AKR1C3: variants seen among roughly 807,000 people sequenced by gnomAD.
AKR1C3 encodes aldo-keto reductase family 1 member C3, also known as 3-alpha hydroxysteroid dehydrogenase, type II.
A neutral mutation model predicts 43.6 loss-of-function variants in AKR1C3; 48 were observed. The observed-to-expected ratio is 1.10, with a 90% CI of 0.87 to 1.40. The LOEUF is 1.40. AKR1C3 is among the 40% of genes most tolerant of loss of function. The pLI, the probability that AKR1C3 is intolerant of heterozygous loss-of-function variation, is 0.00. For synonymous variants in AKR1C3, 162 were observed against 139.6 expected (o/e 1.16, Z -1.13); for missense variants, 482 against 391.2 (o/e 1.23, Z -1.96).
intron 8 of AKR1C3, 109 bp downstream of exon 8, chr10:5,105,786 G>C: frequency 3.7e-6 from 3 of 806,452 alleles, no homozygotes; most frequent in South Asian, 3.2e-5. Context: ...ATGTGAGTCA[G>C]AGGTGAGACT....
chr10:5,084,529 C>G (rs1838918396), intron 1 of AKR1C3, among the ~76,000 whole-genome samples: 2 of 152,082 alleles, frequency 1.3e-5, no homozygotes, highest in African/African-American at 4.8e-5. Context: ...CGGCTTTGTT[C>G]TTTTGGCTTA....
chr10:5,061,906 G>A (rs11252914), intron 1 of AKR1C3, among the ~76,000 whole-genome samples: 11,856 of 152,182 alleles, frequency 0.078, 667 homozygotes, highest in Admixed American at 0.18. Context: ...CTCAAATTAA[G>A]GCCAAAATGG....
At chr10:5,096,951 A>G (rs1480979866) in intron 2 of AKR1C3, among the ~76,000 whole-genome samples, 2 of 152,194 alleles carry the variant, frequency 1.3e-5, no homozygotes, top group African/African-American at 4.8e-5. Context: ...ATAGAAAGCA[A>G]TATAAGAAAG....
chr10:5,059,763 A>G (rs1298307838), intron 1 of AKR1C3, among the ~76,000 whole-genome samples: 7 of 152,152 alleles, frequency 4.6e-5, no homozygotes, highest in African/African-American at 1.7e-4. Context: ...CTCGCTGCTC[A>G]GTGATAGCTG....
At chr10:5,086,503 G>A (rs555412462) in intron 1 of AKR1C3, among the ~76,000 whole-genome samples, 1 of 151,686 alleles carries the variant, frequency 6.6e-6, no homozygotes, top group Admixed American at 6.6e-5. Context: ...TAACTATGTG[G>A]TCAATTTTGG....
At position 5,102,483 on chromosome 10, in the gene AKR1C3, A is replaced by AG; in HGVS notation, c.682dup. 1 of 1,536,594 alleles carries AG rather than the reference A, an allele frequency of 6.5e-7. No homozygotes were observed. The highest frequency in any genetic ancestry group is 8.7e-7 in the Non-Finnish European group (1 of 1,146,310). ...CCTCAGCCTTTCTGCCTTTCCTTCC[A>AG]GGGTGGACCCGAACTCCCCGGTGCT... On this transcript the variant is annotated splice_acceptor_variant, in intron 6 of 8. Coordinates refer to ENST00000380554, the MANE Select transcript of AKR1C3 (RefSeq NM_003739.6). LOFTEE classifies it high-confidence loss of function.
chr10:5,106,037 G>C (rs1839492178), intron 8 of AKR1C3, among the ~76,000 whole-genome samples: 1 of 152,140 alleles, frequency 6.6e-6, no homozygotes, highest in Non-Finnish European at 1.5e-5. Flanking sequence ...ATATCACATT[G>C]TCCCAAACCT....
chr10:5,065,270 A>C (rs1332148121), intron 1 of AKR1C3, among the ~76,000 whole-genome samples: 1 of 152,232 alleles, frequency 6.6e-6, no homozygotes, highest in Non-Finnish European at 1.5e-5. Context: ...AGCTCAAAGA[A>C]TATAAATCAT....
At chr10:5,079,443 A>ACAC (rs1230685583) in intron 1 of AKR1C3, among the ~76,000 whole-genome samples, 1 of 152,218 alleles carries the variant, frequency 6.6e-6, no homozygotes, top group African/African-American at 2.4e-5. Flanking sequence ...CTGAGGAAAT[A>ACAC]CACGTTAGTG....
At chr10:5,064,836 C>T (rs931010519) in intron 1 of AKR1C3, among the ~76,000 whole-genome samples, 2 of 150,798 alleles carry the variant, frequency 1.3e-5, no homozygotes, top group Non-Finnish European at 2.9e-5. Context: ...GATACCATCT[C>T]ATACCAGTCA....
upstream of AKR1C3, among the ~76,000 whole-genome samples, chr10:5,092,710 C>G (rs1839121469): frequency 6.6e-6 from 1 of 151,912 alleles, no homozygotes; most frequent in African/African-American, 2.4e-5. Flanking sequence ...TCCTGTAGTT[C>G]TATTTCCATA....
chr10:5,061,448 T>C (rs1186378179), intron 1 of AKR1C3, among the ~76,000 whole-genome samples: 2 of 152,030 alleles, frequency 1.3e-5, no homozygotes, highest in African/African-American at 4.8e-5. Flanking sequence ...GAGGCATCCC[T>C]ATGGGAGGGG....
chr10:5,101,568 C>T (rs1372366759), intron 5 of AKR1C3, among the ~76,000 whole-genome samples: 1 of 152,192 alleles, frequency 6.6e-6, no homozygotes, highest in African/African-American at 2.4e-5. Context: ...CTCTGATTAT[C>T]TCACTCATTA....
intron 7 of AKR1C3, among the ~76,000 whole-genome samples, chr10:5,104,492 G>GGTCTTGCTACCAGAATGGTACAACTTTT (rs1839448372): frequency 6.6e-6 from 1 of 151,998 alleles, no homozygotes; most frequent in Non-Finnish European, 1.5e-5. Flanking sequence ...AATAATGAAA[G>GGTCTTGCTACCAGAATGGTACAACTTTT]GTCTTGCTAC....
intron 1 of AKR1C3, among the ~76,000 whole-genome samples, chr10:5,059,607 G>A (rs530797158): frequency 7.2e-5 from 11 of 152,200 alleles, no homozygotes; most frequent in South Asian, 2.1e-4. Context: ...CCTGACACCC[G>A]TGTCTTTAGT....
chr10:5,088,988 A>G (rs11252932), intron 1 of AKR1C3, among the ~76,000 whole-genome samples: 21,860 of 152,014 alleles, frequency 0.14, 2,058 homozygotes, highest in Non-Finnish European at 0.2. Flanking sequence ...GGGCTAGTCT[A>G]GTGGTGACAA....
chr10:5,052,131 A>G (rs1838165998), intron 1 of AKR1C3, among the ~76,000 whole-genome samples: 1 of 152,056 alleles, frequency 6.6e-6, no homozygotes, highest in Non-Finnish European at 1.5e-5. Context: ...TGGTGGGTGC[A>G]TGGTCGCGTT....
chr10:5,098,832 A>G lies in AKR1C3; in HGVS notation c.400A>G (p.Asn134Asp), dbSNP rs536373669. The change falls in exon 4 of 9, where the codon AAT becomes GAT. Residue 134 changes from asparagine (N) to aspartate (D), a missense_variant. By Grantham distance (23) the Asn-to-Asp change is conservative. Coordinates refer to ENST00000380554, the MANE Select transcript of AKR1C3 (RefSeq NM_003739.6). Reference protein sequence around the residue: ...PGEELSPTDENGKVIFDIVDL... With the variant: ...PGEELSPTDEDGKVIFDIVDL... ...TGAGGAACTTTCACCAACAGATGAA[A>G]ATGGAAAAGTAATATTTGACATAGT... 2.5e-6 allele frequency: 4 copies of G among 1,613,938 alleles called. No individual in the cohort carries two copies. In the South Asian group the frequency reaches 4.4e-5, roughly 18 times the overall value.
intron 1 of AKR1C3, among the ~76,000 whole-genome samples, chr10:5,056,022 G>A (rs1014462457): frequency 3.9e-5 from 6 of 152,160 alleles, no homozygotes; most frequent in Admixed American, 1.3e-4. Context: ...GCAAAGCTGG[G>A]CCTTCAACCT....
Sources: allele counts gnomAD v4.1 joint callset (sites outside exome capture counted in the v4.1 genomes callset), GRCh38; gene constraint gnomAD v4.1.1; transcripts MANE v1.5; gene names NCBI Gene and HGNC (gene_info 2026-07-23, HGNC 2026-07-21).